The following CCDC158 variants were observed in gnomAD, a reference collection of about 807,000 sequenced individuals.
CCDC158 encodes coiled-coil domain-containing protein 158.
A neutral mutation model predicts 138.6 loss-of-function variants in CCDC158; 116 were observed. The ratio of observed to expected loss-of-function variants is 0.84; its 90% CI spans 0.72 to 0.98. The LOEUF (loss-of-function observed/expected upper bound fraction) is 0.98. CCDC158 is among the 50% of genes least tolerant of loss of function. The pLI is 0.00. For synonymous variants in CCDC158, 436 were observed against 442.4 expected (o/e 0.99, Z 0.18); for missense variants, 1,265 against 1,306.1 (o/e 0.97, Z 0.48).
At chr4:76,392,310 G>A (rs1727387653) in intron 4 of CCDC158, among the ~76,000 whole-genome samples, 1 of 151,890 alleles carries the variant, frequency 6.6e-6, no homozygotes, top group African/African-American at 2.4e-5. Flanking sequence ...ATGCAAGGAT[G>A]GTTAAACATA....
intron 1 of CCDC158, among the ~76,000 whole-genome samples, chr4:76,416,515 C>A (rs560232762): frequency 2.0e-5 from 3 of 152,216 alleles, no homozygotes; most frequent in East Asian, 3.9e-4. Flanking sequence ...ACCTTCATGG[C>A]AGCCCACCCC....
chr4:76,325,879 A>C lies in CCDC158; in HGVS notation c.3147T>G (p.Ile1049Met), dbSNP rs1720476104. 1.2e-6 allele frequency: 2 copies of C among 1,610,832 alleles called. No homozygotes were observed. The highest frequency in any genetic ancestry group is 4.5e-5 in the East Asian group (2 of 44,804). The change falls in exon 23 of 25, where the codon ATT becomes ATG. Residue 1049 changes from isoleucine (I) to methionine (M), a missense_variant. Coordinates refer to ENST00000682701, the MANE Select transcript of CCDC158 (RefSeq NM_001394954.1). Reference sequence around the variant, plus strand: ...TACCTTTAACAGAATCAGATGAATGAATAGGTTTGGCAGATCTATACTGTG... The same window carrying C: ...TACCTTTAACAGAATCAGATGAATGCATAGGTTTGGCAGATCTATACTGTG... Reference protein sequence around the residue: ...STSQYRSAKPIHSSDSVKDSQ... With the variant: ...STSQYRSAKPMHSSDSVKDSQ...
At chr4:76,369,087 C>T (rs936808362) in intron 11 of CCDC158, among the ~76,000 whole-genome samples, 85 of 152,114 alleles carry the variant, frequency 5.6e-4, no homozygotes, top group African/African-American at 1.7e-3. Context: ...TGGTGGCACA[C>T]GCCTGTAATC....
intron 21 of CCDC158, among the ~76,000 whole-genome samples, chr4:76,329,454 G>A (rs1720825673): frequency 6.6e-6 from 1 of 152,028 alleles, no homozygotes; most frequent in Admixed American, 6.6e-5. Context: ...CGAGGTGGCG[G>A]GAACCTGTAG....
chr4:76,353,068 T>A, intron 16 of CCDC158, 55 bp downstream of exon 16: 1 of 1,434,952 alleles, frequency 7.0e-7, no homozygotes, highest in Non-Finnish European at 9.6e-7. Context: ...AACAATTCTA[T>A]TTGGTTAATA....
intron 18 of CCDC158, among the ~76,000 whole-genome samples, chr4:76,346,796 T>C (rs1722592949): frequency 6.6e-6 from 1 of 152,124 alleles, no homozygotes; most frequent in South Asian, 2.1e-4. Flanking sequence ...AAAGGGCTAA[T>C]ATCCAGAATC....
intron 18 of CCDC158, among the ~76,000 whole-genome samples, chr4:76,341,688 A>G (rs1722062050): frequency 6.6e-6 from 1 of 152,264 alleles, no homozygotes; most frequent in South Asian, 2.1e-4. Flanking sequence ...TATCAGTTAC[A>G]TATATGTGTA....
chr4:76,393,203 G>T (rs1455259893), intron 4 of CCDC158, among the ~76,000 whole-genome samples: 1 of 151,936 alleles, frequency 6.6e-6, no homozygotes, highest in Non-Finnish European at 1.5e-5. Flanking sequence ...GAATAAAACT[G>T]GGGGAATCAC....
At chr4:76,381,874 G>C (rs543403053) in intron 8 of CCDC158, among the ~76,000 whole-genome samples, 15 of 152,212 alleles carry the variant, frequency 9.9e-5, no homozygotes, top group Middle Eastern at 3.4e-3. Context: ...GTGGAGACAG[G>C]GTTTCACCGT....
intron 1 of CCDC158, among the ~76,000 whole-genome samples, 92 bp downstream of exon 1, chr4:76,420,873 T>G (rs907172184): frequency 1.3e-5 from 2 of 152,118 alleles, no homozygotes; most frequent in Non-Finnish European, 1.5e-5. Flanking sequence ...CACCGGAAGA[T>G]TCCAGAAATG....
chr4:76,365,719 G>A (rs1438553897), intron 12 of CCDC158, among the ~76,000 whole-genome samples: 1 of 152,166 alleles, frequency 6.6e-6, no homozygotes, highest in African/African-American at 2.4e-5. Context: ...CACAGATCCT[G>A]ATGGATGCTC....
chr4:76,354,590 C>A (rs1723361221), intron 15 of CCDC158, among the ~76,000 whole-genome samples: 1 of 152,096 alleles, frequency 6.6e-6, no homozygotes, highest in Non-Finnish European at 1.5e-5. Context: ...GTTGCTTATT[C>A]GTGAATGAGT....
At chr4:76,393,372 T>C (rs1727480839) in intron 4 of CCDC158, among the ~76,000 whole-genome samples, 1 of 151,876 alleles carries the variant, frequency 6.6e-6, no homozygotes, top group South Asian at 2.1e-4. Context: ...GCCAAGAACA[T>C]ATATTAGGGA....
rs1397030197 is a variant in CCDC158 at position 76,350,361 on chromosome 4, G to GT, written c.2664+634dup. 7.2e-5 allele frequency among the ~76,000 whole-genome samples: 11 copies of GT among 152,284 alleles called. 1 individual carries two copies. In the South Asian group the frequency reaches 2.3e-3, roughly 32 times the overall value. On this transcript the variant is annotated intron_variant, in intron 18 of 24. Coordinates refer to ENST00000682701, the MANE Select transcript of CCDC158 (RefSeq NM_001394954.1). ...ATTACTGGTGATCCTGTTGCCATAT[G>GT]TAAGATAGGACTTTTAACTAATTTA...
intron 18 of CCDC158, chr4:76,344,832 G>A (rs1253497084): frequency 6.3e-7 from 1 of 1,597,478 alleles, no homozygotes; most frequent in African/African-American, 1.3e-5. Flanking sequence ...ACCGGGAGAG[G>A]GTGAAGGGTC....
At chr4:76,352,045 A>G (rs1050763059) in intron 16 of CCDC158, 2 of 374,020 alleles carry the variant, frequency 5.3e-6, no homozygotes, top group Non-Finnish European at 9.6e-6. Flanking sequence ...GTGAAGGGCA[A>G]ACAATGAATG....
At chr4:76,361,311 C>T (rs772291825) in intron 13 of CCDC158, among the ~76,000 whole-genome samples, 1 of 152,170 alleles carries the variant, frequency 6.6e-6, no homozygotes, top group Non-Finnish European at 1.5e-5. Context: ...GCCTGTAATC[C>T]CAGCACTTTG....
chr4:76,413,301 C>A (rs1490628418), intron 1 of CCDC158, among the ~76,000 whole-genome samples: 2 of 151,158 alleles, frequency 1.3e-5, no homozygotes, highest in African/African-American at 4.9e-5. Flanking sequence ...TAGTGAGATC[C>A]CGTCTCTACA....
chr4:76,385,327 T>C (rs1726683891), intron 4 of CCDC158, among the ~76,000 whole-genome samples: 1 of 150,840 alleles, frequency 6.6e-6, no homozygotes, highest in South Asian at 2.1e-4. Flanking sequence ...CAAGATCAAA[T>C]AAACAAGCAA....
Sources: allele counts gnomAD v4.1 joint callset (sites outside exome capture counted in the v4.1 genomes callset), GRCh38; gene constraint gnomAD v4.1.1; transcripts MANE v1.5; gene names NCBI Gene and HGNC (gene_info 2026-07-23, HGNC 2026-07-21).